Variants in FUT8 observed in about 807,000 individuals in gnomAD.
FUT8 encodes fucosyltransferase 8.
A neutral mutation model predicts 71.3 loss-of-function variants in FUT8; 29 were observed. The ratio of observed to expected loss-of-function variants is 0.41; its 90% confidence interval spans 0.30 to 0.55. FUT8 has a LOEUF of 0.55. FUT8 is among the 20% of genes least tolerant of loss of function. The pLI, the probability that FUT8 is intolerant of heterozygous loss-of-function variation, is 0.34. For missense variants in FUT8, 544 were observed against 702.1 expected, an observed-to-expected ratio of 0.77 and a Z score of 2.55; for synonymous variants, 254 against 239.3, an observed-to-expected ratio of 1.06 and a Z score of -0.57.
chr14:65,616,382 C>A lies in FUT8; in HGVS notation c.482+9C>A, dbSNP rs762982895. On this transcript the variant is annotated intron_variant, in intron 5 of 10. Coordinates refer to ENST00000673929, the MANE Select transcript of FUT8 (RefSeq NM_001371533.1). ...TTAGGACATCATGAAAGGTACTATT[C>A]TCCTTTCACATTTTATTTGGGCTTT... 7 of 1,549,124 alleles carry A rather than the reference C, an allele frequency of 4.5e-6. No homozygotes were observed. The East Asian group carries it at 1.6e-4, about 35-fold the overall frequency.
At chr14:65,634,181 A>G (rs536993042) in intron 6 of FUT8, among the ~76,000 whole-genome samples, 175 of 152,116 alleles carry the variant, frequency 1.2e-3, no homozygotes, top group African/African-American at 3.8e-3. Flanking sequence ...GTGTAGAAAG[A>G]AGTAGACATG....
At chr14:65,514,703 TTA>T (rs1882589595) in intron 2 of FUT8, among the ~76,000 whole-genome samples, 1 of 151,996 alleles carries the variant, frequency 6.6e-6, no homozygotes, top group African/African-American at 2.4e-5. Flanking sequence ...TTTTTTTTTT[TTA>T]AATTTATTTT....
chr14:65,595,617 T>G (rs1419105431), intron 3 of FUT8, among the ~76,000 whole-genome samples: 1 of 140,812 alleles, frequency 7.1e-6, no homozygotes, highest in South Asian at 2.4e-4. Context: ...TTTTTTTTTT[T>G]TTTTTTTTTG....
chr14:65,561,157 G>T (rs919947720), intron 2 of FUT8, among the ~76,000 whole-genome samples, 180 bp from the exon 3 acceptor site: 6 of 152,156 alleles, frequency 3.9e-5, no homozygotes, highest in African/African-American at 1.4e-4. Context: ...TAATGTACAT[G>T]GCTGATTTAA....
chr14:65,359,957 C>G, the FUT8 span, among the ~76,000 whole-genome samples: 1 of 152,142 alleles, frequency 6.6e-6, no homozygotes, highest in Non-Finnish European at 1.5e-5. Flanking sequence ...CTCAGCCTCC[C>G]GAGTAGCTGG....
At chr14:65,597,356 C>T (rs1338700321) in intron 3 of FUT8, among the ~76,000 whole-genome samples, 5 of 152,108 alleles carry the variant, frequency 3.3e-5, no homozygotes, top group African/African-American at 1.2e-4. Context: ...AGGCCGGGTG[C>T]GATGGCTCAC....
chr14:65,497,368 T>C (rs910788289), intron 2 of FUT8, among the ~76,000 whole-genome samples: 2 of 152,192 alleles, frequency 1.3e-5, no homozygotes, highest in African/African-American at 4.8e-5. Flanking sequence ...CTTGTTAAAA[T>C]GTAGAGTTTT....
intron 2 of FUT8, among the ~76,000 whole-genome samples, chr14:65,514,383 G>A (rs555305399): frequency 6.6e-6 from 1 of 152,356 alleles, no homozygotes; most frequent in South Asian, 2.1e-4. Context: ...ACCAAGATTG[G>A]TTGGGCAGTG....
chr14:65,576,033 C>G (rs1337929867), intron 3 of FUT8, among the ~76,000 whole-genome samples: 1 of 152,170 alleles, frequency 6.6e-6, no homozygotes, highest in Non-Finnish European at 1.5e-5. Flanking sequence ...CACAACTATT[C>G]AAATGTAAAT....
chr14:65,602,403 A>ACACCCTAAGTAATAGCCTTGATTTTGCTT (rs1888348498), intron 3 of FUT8, among the ~76,000 whole-genome samples: 1 of 122,776 alleles, frequency 8.1e-6, no homozygotes. Context: ...ACACACACAC[A>ACACCCTAAGTAATAGCCTTGATTTTGCTT]GTTTCTTTAT....
intron 10 of FUT8, among the ~76,000 whole-genome samples, chr14:65,737,308 A>G (rs1896264150): frequency 1.3e-5 from 2 of 152,152 alleles, no homozygotes; most frequent in South Asian, 4.1e-4. Flanking sequence ...TAAAAGCCTC[A>G]TAAATTGAAT....
At chr14:65,587,434 A>G (rs1887452029) in intron 3 of FUT8, among the ~76,000 whole-genome samples, 1 of 152,166 alleles carries the variant, frequency 6.6e-6, no homozygotes, top group Non-Finnish European at 1.5e-5. Flanking sequence ...GCGTTACACA[A>G]GTGATAATAT....
chr14:65,719,363 A>T (rs1267348099), intron 7 of FUT8, among the ~76,000 whole-genome samples: 1 of 152,006 alleles, frequency 6.6e-6, no homozygotes, highest in Non-Finnish European at 1.5e-5. Flanking sequence ...TCTTTGTGTT[A>T]TCTTGAACTT....
At chr14:65,545,683 A>G (rs1247255194) in intron 2 of FUT8, among the ~76,000 whole-genome samples, 4 of 151,768 alleles carry the variant, frequency 2.6e-5, no homozygotes, top group Non-Finnish European at 4.4e-5. Context: ...TTATAACTGC[A>G]GTGTATATTT....
chr14:65,483,226 T>TC lies in FUT8; in HGVS notation c.-228+27510dup, dbSNP rs999529179. 3.4e-4 allele frequency among the ~76,000 whole-genome samples: 52 copies of TC among 152,306 alleles called. No individual in the cohort carries two copies. The highest frequency in any genetic ancestry group is 3.2e-3 in the Admixed American group (49 of 15,298). Reference sequence around the variant, plus strand: ...TATTCAGTGAGAGGACTGTGTTCTCTCCAACAAGGTCTGGATCTCAGCCCT... The same window carrying TC: ...TATTCAGTGAGAGGACTGTGTTCTCTCCCAACAAGGTCTGGATCTCAGCCCT... On this transcript the variant is annotated intron_variant, in intron 2 of 10. Transcript: ENST00000673929. The surrounding 1 kb of genome is among the most constrained non-coding windows in gnomAD (Gnocchi z 4.4).
chr14:65,567,492 T>C (rs1400136688), intron 3 of FUT8, among the ~76,000 whole-genome samples: 1 of 151,918 alleles, frequency 6.6e-6, no homozygotes, highest in Non-Finnish European at 1.5e-5. Context: ...AGTTGGTTGG[T>C]TGGAAGATTT....
Position 65,445,915 on chromosome 14 carries a change from A to T in FUT8, c.-325-9706A>T, listed in dbSNP as rs1451405105. ...AGTGTTGGGATTACAGGTGTGAGCG[A>T]CTGTGCCCAGCTAGAAAACCTTTCA... On this transcript the variant is annotated intron_variant, in intron 1 of 10. Coordinates refer to ENST00000673929, the MANE Select transcript of FUT8 (RefSeq NM_001371533.1). 6.6e-5 allele frequency among the ~76,000 whole-genome samples: 10 copies of T among 152,352 alleles called. No homozygotes were observed. The East Asian group carries it at 1.9e-3, about 29-fold the overall frequency.
chr14:65,584,218 G>C (rs563227744), intron 3 of FUT8, among the ~76,000 whole-genome samples: 2 of 142,402 alleles, frequency 1.4e-5, no homozygotes, highest in Non-Finnish European at 3.0e-5. Flanking sequence ...CACTCTTGTC[G>C]CCCAAGCTGG....
chr14:65,470,997 T>C (rs2066136194), intron 2 of FUT8: 7 of 426,100 alleles, frequency 1.6e-5, no homozygotes, highest in East Asian at 7.4e-5. Flanking sequence ...TTATCTGCCC[T>C]GTTGTCTTTG....
Sources: allele counts gnomAD v4.1 joint callset (sites outside exome capture counted in the v4.1 genomes callset), GRCh38; gene constraint gnomAD v4.1.1; non-coding constraint Gnocchi (gnomAD v3.1); transcripts MANE v1.5; gene names NCBI Gene and HGNC (gene_info 2026-07-23, HGNC 2026-07-21).